AUTS2: variants seen among roughly 807,000 people sequenced by gnomAD.
AUTS2 encodes autism susceptibility gene 2 protein.
A neutral mutation model predicts 112.4 loss-of-function variants in AUTS2; 17 were observed. The ratio of observed to expected loss-of-function variants is 0.15; its 90% CI spans 0.10 to 0.23. The LOEUF (loss-of-function observed/expected upper bound fraction) is 0.23. AUTS2 is among the 10% of genes least tolerant of loss of function. The probability of loss-of-function intolerance (pLI) is 1.00; values close to 1 mark genes in which losing one functional copy is unlikely to be tolerated. For synonymous variants in AUTS2, 751 were observed against 702.7 expected, an observed-to-expected ratio of 1.07 and a Z score of -1.09; for missense variants, 1,510 against 1,701.6, an observed-to-expected ratio of 0.89 and a Z score of 1.98.
intron 4 of AUTS2, among the ~76,000 whole-genome samples, chr7:70,294,400 C>G (rs1303925623): frequency 6.6e-6 from 1 of 152,194 alleles, no homozygotes; most frequent in Non-Finnish European, 1.5e-5. Context: ...ACTGCATCCT[C>G]TCTTCCTTTC....
intron 4 of AUTS2, among the ~76,000 whole-genome samples, chr7:70,256,797 C>T (rs1786897800): frequency 6.6e-6 from 1 of 152,134 alleles, no homozygotes; most frequent in Non-Finnish European, 1.5e-5. Flanking sequence ...CTTATTATAG[C>T]TTTCAGATTC....
chr7:70,057,980 G>A (rs1439435449), intron 2 of AUTS2, among the ~76,000 whole-genome samples: 1 of 152,150 alleles, frequency 6.6e-6, no homozygotes. Context: ...GTAAGGGGGT[G>A]ATATATCTAT....
chr7:70,043,828 C>T (rs1028488787), intron 2 of AUTS2, among the ~76,000 whole-genome samples: 15 of 151,970 alleles, frequency 9.9e-5, no homozygotes, highest in African/African-American at 3.6e-4. Flanking sequence ...AGGCTGCTCT[C>T]GGACTCCCGA....
At chr7:69,681,848 C>G (rs960153962) in intron 1 of AUTS2, among the ~76,000 whole-genome samples, 1 of 152,242 alleles carries the variant, frequency 6.6e-6, no homozygotes, top group African/African-American at 2.4e-5. Flanking sequence ...TTTTCTTACT[C>G]TTTAACTGCC....
intron 2 of AUTS2, among the ~76,000 whole-genome samples, chr7:70,071,768 C>A (rs559755406): frequency 1.3e-5 from 2 of 152,134 alleles, no homozygotes; most frequent in Non-Finnish European, 2.9e-5. Flanking sequence ...TCAGATGGTT[C>A]GATCTATGAG....
At chr7:69,918,086 C>T (rs1191463737) in intron 2 of AUTS2, among the ~76,000 whole-genome samples, 1 of 152,084 alleles carries the variant, frequency 6.6e-6, no homozygotes, top group Non-Finnish European at 1.5e-5. Flanking sequence ...CGTGATCCAC[C>T]TGCCTCGGCC....
At chr7:70,419,298 G>A (rs1312401660) in intron 4 of AUTS2, among the ~76,000 whole-genome samples, 1 of 152,158 alleles carries the variant, frequency 6.6e-6, no homozygotes, top group Non-Finnish European at 1.5e-5. Context: ...CTAGGTTAGT[G>A]CAGAGAGTTA....
chr7:70,701,380 G>C (rs1285394362), intron 6 of AUTS2, among the ~76,000 whole-genome samples: 2 of 152,118 alleles, frequency 1.3e-5, no homozygotes, highest in African/African-American at 4.8e-5. Flanking sequence ...CCCTCTTTAG[G>C]TCAAGATTTT....
rs141283206 is a variant in AUTS2 at position 70,632,543 on chromosome 7, G to A, written c.691-66026G>A. Among the ~76,000 whole-genome samples the A allele has an allele frequency of 4.1e-4, 62 of 151,690 alleles. 1 individual carries two copies. The East Asian group carries it at 6.7e-3, about 16-fold the overall frequency. On this transcript the variant is annotated intron_variant, in intron 5 of 18. Transcript: ENST00000342771. ...CTGTCTGCAGGCACAGATGCCCCCCGTTGAGCCACGCAGGTTTCTGTGAAT... is the reference window on the plus strand; with the variant it reads ...CTGTCTGCAGGCACAGATGCCCCCCATTGAGCCACGCAGGTTTCTGTGAAT...
intron 2 of AUTS2, among the ~76,000 whole-genome samples, chr7:70,081,186 A>G (rs995933182): frequency 1.3e-5 from 2 of 152,072 alleles, no homozygotes; most frequent in Non-Finnish European, 2.9e-5. Context: ...GTGTCCTAGA[A>G]ACGTTATTAT....
At chr7:70,506,564 G>A (rs1798970433) in intron 5 of AUTS2, among the ~76,000 whole-genome samples, 1 of 152,176 alleles carries the variant, frequency 6.6e-6, no homozygotes, top group South Asian at 2.1e-4. Context: ...GAGAGGAAGG[G>A]AGGGAGGGAG....
intron 5 of AUTS2, among the ~76,000 whole-genome samples, chr7:70,534,396 A>ATTTGTTTGTTTGTTTG (rs59524958): frequency 6.8e-6 from 1 of 147,916 alleles, no homozygotes; most frequent in Admixed American, 6.7e-5. Flanking sequence ...GGGAATATGA[A>ATTTGTTTGTTTGTTTG]TTTGTTTGTT....
At chr7:70,409,076 C>T (rs984882639) in intron 4 of AUTS2, among the ~76,000 whole-genome samples, 5 of 152,132 alleles carry the variant, frequency 3.3e-5, no homozygotes, top group Non-Finnish European at 5.9e-5. Flanking sequence ...TATGCATGCC[C>T]CTGAAGGTTT....
chr7:70,229,847 G>A (rs998639803), intron 4 of AUTS2, among the ~76,000 whole-genome samples: 3 of 152,026 alleles, frequency 2.0e-5, no homozygotes, highest in African/African-American at 7.2e-5. Flanking sequence ...CTCCTGGTGA[G>A]GTTCTCTAGT....
At chr7:70,221,839 A>G (rs1161351831) in intron 4 of AUTS2, among the ~76,000 whole-genome samples, 1 of 152,246 alleles carries the variant, frequency 6.6e-6, no homozygotes, top group Non-Finnish European at 1.5e-5. Flanking sequence ...GTGAGCCGAA[A>G]TCATGCCATT....
intron 1 of AUTS2, among the ~76,000 whole-genome samples, chr7:69,601,436 A>AT (rs1371032766): frequency 6.6e-6 from 1 of 151,814 alleles, no homozygotes; most frequent in African/African-American, 2.4e-5. Flanking sequence ...AGCTTTAAAT[A>AT]TTTTTTTCAA....
At chr7:70,683,644 T>C (rs1585500570) in intron 5 of AUTS2, among the ~76,000 whole-genome samples, 1 of 152,242 alleles carries the variant, frequency 6.6e-6, no homozygotes, top group East Asian at 1.9e-4. Flanking sequence ...GAAGAAGAAA[T>C]TTCTGGTGTA....
At chr7:70,273,470 T>G (rs1787786618) in intron 4 of AUTS2, among the ~76,000 whole-genome samples, 1 of 139,634 alleles carries the variant, frequency 7.2e-6, no homozygotes. Flanking sequence ...TACCTATAGC[T>G]TTTATTATTA....
intron 1 of AUTS2, among the ~76,000 whole-genome samples, chr7:69,853,135 G>A (rs944487741): frequency 1.3e-5 from 2 of 152,124 alleles, no homozygotes; most frequent in Admixed American, 6.5e-5. Context: ...TGCTATAAAT[G>A]TCAGTTAGAT....
Sources: gnomAD v4.1 joint callset for allele counts (sites outside exome capture counted in the v4.1 genomes callset) on GRCh38, gnomAD v4.1.1 for gene constraint, MANE v1.5 for transcripts, NCBI Gene and HGNC (gene_info 2026-07-23, HGNC 2026-07-21) for gene names.